Variants in ITGB5 observed in about 807,000 individuals in gnomAD.
ITGB5 encodes integrin subunit beta 5.
ITGB5 carries 38 observed loss-of-function variants against 84.8 expected under a neutral mutation model. The ratio of observed to expected loss-of-function variants is 0.45; its 90% CI spans 0.35 to 0.59. The LOEUF (loss-of-function observed/expected upper bound fraction) is 0.59. ITGB5 is among the 20% of genes least tolerant of loss of function. The pLI, the probability that ITGB5 is intolerant of heterozygous loss-of-function variation, is 0.01. For missense variants in ITGB5, 905 were observed against 1,034.5 expected, an observed-to-expected ratio of 0.87 and a Z score of 1.72; for synonymous variants, 393 against 414.4, an observed-to-expected ratio of 0.95 and a Z score of 0.63.
At chr3:124,797,481 A>G (rs1462239741) in intron 9 of ITGB5, among the ~76,000 whole-genome samples, 1 of 152,214 alleles carries the variant, frequency 6.6e-6, no homozygotes, top group African/African-American at 2.4e-5. Context: ...AAGAGTCTCC[A>G]ACTGATGAAA....
chr3:124,877,728 T>C (rs1934389745), intron 1 of ITGB5, among the ~76,000 whole-genome samples: 1 of 152,172 alleles, frequency 6.6e-6, no homozygotes, highest in Admixed American at 6.5e-5. Context: ...CTCTGCCATC[T>C]TGGATGTAGG....
At chr3:124,802,379 T>A (rs1219000439) in intron 9 of ITGB5, among the ~76,000 whole-genome samples, 3 of 152,218 alleles carry the variant, frequency 2.0e-5, no homozygotes, top group Non-Finnish European at 1.5e-5. Context: ...CAGTTCAGCC[T>A]GAGAGAAGGG....
chr3:124,763,219 G>A lies in ITGB5; in HGVS notation c.*404C>T. The A allele has an allele frequency of 6.0e-6, 1 of 167,208 alleles. No individual in the cohort carries two copies. Among genetic ancestry groups the A allele is most frequent in the Non-Finnish European group, 1.3e-5 (1 of 76,782 alleles). 10.4% of individuals were successfully genotyped at this position (167,208 alleles called of 1,614,324 possible). A position where few individuals can be genotyped will look rare whatever the true frequency, so the allele number is the denominator to read the frequency against. ...TATAAAAATGATCAATGTGAAAAAA[G>A]CCAAACTGTATGCTGGTTTTACAGA... On this transcript the variant is annotated 3_prime_UTR_variant, in exon 15 of 15. Transcript: ENST00000296181.
chr3:124,897,825 A>T (rs1935135874), intron 1 of ITGB5, among the ~76,000 whole-genome samples: 1 of 152,178 alleles, frequency 6.6e-6, no homozygotes, highest in Non-Finnish European at 1.5e-5. Flanking sequence ...AGGAAGGGAG[A>T]GAAACAGACT....
intron 13 of ITGB5, 84 bp downstream of exon 13, chr3:124,766,142 C>T (rs535733097): frequency 1.4e-6 from 2 of 1,391,922 alleles, no homozygotes; most frequent in Non-Finnish European, 2.0e-6. Flanking sequence ...ACAGAAAGGG[C>T]AGTGGTCCCA....
chr3:124,845,673 GC>G (rs2065067411), intron 4 of ITGB5, among the ~76,000 whole-genome samples: 1 of 152,124 alleles, frequency 6.6e-6, no homozygotes, highest in Non-Finnish European at 1.5e-5. Flanking sequence ...AATGCTGAGC[GC>G]CTAGAGCCAG....
intron 5 of ITGB5, 127 bp downstream of exon 5, chr3:124,841,256 C>T (rs1021238884): frequency 2.4e-6 from 2 of 840,224 alleles, no homozygotes; most frequent in Non-Finnish European, 3.7e-6. Context: ...AGCTCACCCT[C>T]TGACTTCAGA....
chr3:124,884,671 C>T (rs1391061521), intron 1 of ITGB5, among the ~76,000 whole-genome samples: 3 of 151,946 alleles, frequency 2.0e-5, no homozygotes, highest in Admixed American at 1.3e-4. Context: ...TCCTGGGCAA[C>T]AAGAGTGAGA....
chr3:124,800,224 G>A (rs1286385257), intron 9 of ITGB5, among the ~76,000 whole-genome samples: 1 of 152,118 alleles, frequency 6.6e-6, no homozygotes. Context: ...AGGCATCTGC[G>A]GGTCAGAAAC....
At chr3:124,779,628 C>T (rs1281714699) in intron 10 of ITGB5, among the ~76,000 whole-genome samples, 2 of 152,156 alleles carry the variant, frequency 1.3e-5, no homozygotes, top group African/African-American at 2.4e-5. Context: ...ATCAGGCTGC[C>T]CGGGCTGGCC....
At chr3:124,815,174 C>T (rs577057301) in intron 8 of ITGB5, among the ~76,000 whole-genome samples, 25 of 152,354 alleles carry the variant, frequency 1.6e-4, no homozygotes, top group African/African-American at 4.8e-4. Flanking sequence ...TCAGCGGTCC[C>T]AGCAGAAGCA....
chr3:124,771,766 A>G (rs2063847999), intron 11 of ITGB5, among the ~76,000 whole-genome samples: 1 of 151,712 alleles, frequency 6.6e-6, no homozygotes, highest in Admixed American at 6.6e-5. Flanking sequence ...AAAAAAAAAA[A>G]AGGAATCGTG....
At chr3:124,831,903 T>C (rs772308487) in intron 5 of ITGB5, among the ~76,000 whole-genome samples, 13 of 152,048 alleles carry the variant, frequency 8.5e-5, no homozygotes, top group Non-Finnish European at 1.2e-4. Context: ...AGCCGATGGG[T>C]CTGAGACACC....
intron 5 of ITGB5, among the ~76,000 whole-genome samples, chr3:124,834,556 G>GGGGGGGGA (rs2064904193): frequency 4.7e-5 from 1 of 21,112 alleles, no homozygotes; most frequent in Non-Finnish European, 8.2e-5. Flanking sequence ...GAGGGAGCGG[G>GGGGGGGGA]GGGAGGGAGG....
intron 8 of ITGB5, among the ~76,000 whole-genome samples, chr3:124,812,042 C>T (rs1229403412): frequency 2.0e-5 from 3 of 152,172 alleles, no homozygotes; most frequent in South Asian, 4.1e-4. Context: ...CAGGTTGTAT[C>T]GTGGTTGTAA....
intron 1 of ITGB5, among the ~76,000 whole-genome samples, chr3:124,882,300 T>C (rs1171785579): frequency 2.0e-5 from 3 of 152,124 alleles, no homozygotes; most frequent in Non-Finnish European, 4.4e-5. Context: ...TTACATTAGA[T>C]GGTGGTGAGT....
At chr3:124,841,268 T>A (rs968386213) in intron 5 of ITGB5, 115 bp downstream of exon 5, 5 of 929,916 alleles carry the variant, frequency 5.4e-6, no homozygotes, top group Non-Finnish European at 8.1e-6. Flanking sequence ...GACTTCAGAG[T>A]GGTCAGGAGC....
chr3:124,793,835 T>C (rs1369780293), intron 10 of ITGB5, among the ~76,000 whole-genome samples: 1 of 152,210 alleles, frequency 6.6e-6, no homozygotes, highest in African/African-American at 2.4e-5. Context: ...TACTTTACTC[T>C]GCAATGACAC....
At chr3:124,773,595 A>C (rs921212556) in intron 11 of ITGB5, 95 bp downstream of exon 11, 1 of 1,067,050 alleles carries the variant, frequency 9.4e-7, no homozygotes, top group Non-Finnish European at 1.4e-6. Context: ...GCAGGAGGTG[A>C]GGAGTGGAGG....
Sources: gnomAD v4.1 joint callset for allele counts (sites outside exome capture counted in the v4.1 genomes callset) on GRCh38, gnomAD v4.1.1 for gene constraint, MANE v1.5 for transcripts, NCBI Gene and HGNC (gene_info 2026-07-23, HGNC 2026-07-21) for gene names.